PCDHGA8: variants seen among roughly 807,000 people sequenced by gnomAD.
The protein encoded by PCDHGA8 is protocadherin gamma-A8.
A neutral mutation model predicts 59.2 loss-of-function variants in PCDHGA8; 45 were observed. That is an observed-to-expected ratio of 0.76 (90% CI 0.60 to 0.98). The LOEUF (loss-of-function observed/expected upper bound fraction) is 0.98. Ranked by LOEUF, PCDHGA8 falls within the 50% of genes least tolerant of loss-of-function variation. PCDHGA8 has a pLI of 0.00. For synonymous variants in PCDHGA8, 531 were observed against 519.0 expected, an observed-to-expected ratio of 1.02 and a Z score of -0.32; for missense variants, 1,257 against 1,196.2, an observed-to-expected ratio of 1.05 and a Z score of -0.75.
intron 1 of PCDHGA8, among the ~76,000 whole-genome samples, chr5:141,429,781 A>G (rs2097245343): frequency 1.3e-5 from 2 of 152,186 alleles, no homozygotes; most frequent in Non-Finnish European, 2.9e-5. Context: ...TGGGCTTCCA[A>G]AAGTATTACC....
intron 1 of PCDHGA8, among the ~76,000 whole-genome samples, chr5:141,433,378 T>C (rs1246585250): frequency 6.6e-5 from 10 of 151,072 alleles, no homozygotes. Context: ...TATCTATCTA[T>C]CTATCTATCT....
Position 141,464,284 on chromosome 5 carries a change from A to C in PCDHGA8, c.2425-30523A>C, listed in dbSNP as rs1237360752. ...CGTCTAAAAAAAAAAAAAAGCAAAA[A>C]AAAAAACTCCATTGTATGTGCACAT... On this transcript the variant is annotated intron_variant, in intron 1 of 3. Coordinates refer to ENST00000398604, the MANE Select transcript of PCDHGA8 (RefSeq NM_032088.2). 4.0e-5 allele frequency among the ~76,000 whole-genome samples: 6 copies of C among 151,546 alleles called. No individual in the cohort carries two copies. The South Asian group carries it at 1.0e-3, about 26-fold the overall frequency.
chr5:141,509,830 T>A (rs1328716142), intron 3 of PCDHGA8, among the ~76,000 whole-genome samples: 1 of 152,204 alleles, frequency 6.6e-6, no homozygotes, highest in African/African-American at 2.4e-5. Flanking sequence ...ATCTTCTCTC[T>A]ACCTCCCATT....
chr5:141,462,599 T>TGG (rs2099043404), intron 1 of PCDHGA8, among the ~76,000 whole-genome samples: 1 of 152,208 alleles, frequency 6.6e-6, no homozygotes, highest in African/African-American at 2.4e-5. Context: ...CCATTTCATA[T>TGG]ATTGTATTTT....
chr5:141,395,317 A>G, intron 1 of PCDHGA8, 80 bp downstream of exon 1: 1 of 1,488,840 alleles, frequency 6.7e-7, no homozygotes, highest in Non-Finnish European at 9.0e-7. Flanking sequence ...AACATTGTGA[A>G]GATAGTTGAA....
intron 1 of PCDHGA8, among the ~76,000 whole-genome samples, chr5:141,460,508 G>C (rs1390313220): frequency 6.6e-6 from 1 of 152,040 alleles, no homozygotes; most frequent in East Asian, 1.9e-4. Context: ...TGCTGAGAAG[G>C]CTATCTTTTC....
At chr5:141,418,147 C>T (rs781655205) in intron 1 of PCDHGA8, 3 of 1,614,040 alleles carry the variant, frequency 1.9e-6, no homozygotes, top group Admixed American at 3.3e-5. Flanking sequence ...AGCAAATATG[C>T]AAAGAGAGAA....
At chr5:141,435,010 G>A (rs2097736933) in intron 1 of PCDHGA8, among the ~76,000 whole-genome samples, 1 of 151,950 alleles carries the variant, frequency 6.6e-6, no homozygotes, top group Non-Finnish European at 1.5e-5. Flanking sequence ...ATTTATCAAT[G>A]ATAATGCTCT....
Position 141,486,059 on chromosome 5 carries a change from C to A in PCDHGA8, c.2425-8748C>A. On this transcript the variant is annotated intron_variant, in intron 1 of 3. Transcript: ENST00000398604. This position sits in a 1 kb window ranked among gnomAD's most constrained non-coding sequence, Gnocchi z 5.0. ...TCGTGTAAGAAACCTCTTTAGCCTG[C>A]ACCCCACTACTGGAAAGCTTACTCT... 1 of 1,614,152 alleles carries A rather than the reference C, an allele frequency of 6.2e-7. No homozygotes were observed. Among genetic ancestry groups the A allele is most frequent in the Non-Finnish European group, 8.5e-7 (1 of 1,180,010 alleles).
chr5:141,418,986 C>T, intron 1 of PCDHGA8: 1 of 1,613,930 alleles, frequency 6.2e-7, no homozygotes, highest in Non-Finnish European at 8.5e-7. Context: ...GACCAAGACT[C>T]AGGGGAAAAT....
intron 1 of PCDHGA8, chr5:141,415,752 T>TG: frequency 1.6e-5 from 22 of 1,372,540 alleles, no homozygotes; most frequent in Middle Eastern, 2.6e-4. Flanking sequence ...TTTTTTTTTT[T>TG]TTTTTTTTTT....
intron 1 of PCDHGA8, among the ~76,000 whole-genome samples, chr5:141,444,162 T>A: frequency 8.4e-6 from 1 of 119,238 alleles, no homozygotes. Flanking sequence ...ATTTTTTTTT[T>A]TTTTTTTTTT....
chr5:141,423,053 T>C lies in PCDHGA8; in HGVS notation c.2424+27816T>C, dbSNP rs200154593. 1.4e-4 allele frequency: 219 copies of C among 1,614,170 alleles called. 1 individual carries two copies. The African/African-American group carries it at 2.5e-3, about 18-fold the overall frequency. ...CAGAACGCCTGGCTGTCCTATCGCCTGCTTAAGGCCAGCGAGCCGGGACTC... is the reference window on the plus strand; with the variant it reads ...CAGAACGCCTGGCTGTCCTATCGCCCGCTTAAGGCCAGCGAGCCGGGACTC... On this transcript the variant is annotated intron_variant, in intron 1 of 3. Coordinates refer to ENST00000398604, the MANE Select transcript of PCDHGA8 (RefSeq NM_032088.2).
rs528779386 is a variant in PCDHGA8, at chr5:141,509,416, C to T, written c.2573-1531C>T. Among the ~76,000 whole-genome samples, 4 of 152,258 alleles carry T rather than the reference C, an allele frequency of 2.6e-5. No individual in the cohort carries two copies. In the East Asian group the frequency reaches 7.7e-4, roughly 29 times the overall value. ...TCTCAGGGCCTCCAGCAGCGAGCCCCAATGAGTCAAACTCTTGTTTCCTCC... is the reference window on the plus strand; with the variant it reads ...TCTCAGGGCCTCCAGCAGCGAGCCCTAATGAGTCAAACTCTTGTTTCCTCC... On this transcript the variant is annotated intron_variant, in intron 3 of 3. Transcript: ENST00000398604.
At position 141,485,301 on chromosome 5, in the gene PCDHGA8, C is replaced by T; in HGVS notation, c.2425-9506C>T. 1 of 1,614,124 alleles carries T rather than the reference C, an allele frequency of 6.2e-7. No homozygotes were observed. The highest frequency in any genetic ancestry group is 1.1e-5 in the South Asian group (1 of 91,082). The stretch of plus-strand genomic sequence containing the variant: ...GTCCCAGAGGAGTCACAGGAAGGGA[C>T]TTTTGTAGGGAATGTCGCTCAAGAT... On this transcript the variant is annotated intron_variant, in intron 1 of 3. Coordinates refer to ENST00000398604, the MANE Select transcript of PCDHGA8 (RefSeq NM_032088.2). This position sits in a 1 kb window ranked among gnomAD's most constrained non-coding sequence, Gnocchi z 5.7.
chr5:141,410,202 A>G (rs766392835), intron 1 of PCDHGA8: 2 of 1,614,018 alleles, frequency 1.2e-6, no homozygotes, highest in Non-Finnish European at 1.7e-6. Flanking sequence ...TTCGCAGACA[A>G]CTTGCAAGAG....
Position 141,432,147 on chromosome 5 carries a change from A to G in PCDHGA8, c.2424+36910A>G. 6.2e-7 allele frequency: 1 copy of G among 1,614,066 alleles called. No individual in the cohort carries two copies. The highest frequency in any genetic ancestry group is 8.5e-7 in the Non-Finnish European group (1 of 1,179,998). ...GCCTCCTATTCCGCTTATATCCCAG[A>G]GAACAATCCCAGAGGAGTTTCCCTC... On this transcript the variant is annotated intron_variant, in intron 1 of 3. Transcript: ENST00000398604. The surrounding 1 kb of genome is among the most constrained non-coding windows in gnomAD (Gnocchi z 6.0).
In PCDHGA8 at chr5:141,393,186, G is replaced by C; in HGVS notation, c.373G>C (p.Asp125His). Reference sequence around the variant, plus strand: ...CTTTGGGGTAGAAATAGAAATAATTGATATTAACGATAATAACCCAAAATT... The same window carrying C: ...CTTTGGGGTAGAAATAGAAATAATTCATATTAACGATAATAACCCAAAATT... ...KLFGVEIEII[D>H]INDNNPKFQV... Residue 125 changes from aspartate to histidine, a missense_variant, in exon 1 of 4, where the codon GAT (aspartate) becomes CAT (histidine). By Grantham distance (81) the Asp-to-His change is moderately conservative. Transcript: ENST00000398604. 2 of 1,613,306 alleles carry C rather than the reference G, an allele frequency of 1.2e-6. No homozygotes were observed. The highest frequency in any genetic ancestry group is 4.5e-5 in the East Asian group (2 of 44,886).
chr5:141,500,104 T>C (rs917633032), intron 2 of PCDHGA8, among the ~76,000 whole-genome samples: 1 of 152,124 alleles, frequency 6.6e-6, no homozygotes, highest in Non-Finnish European at 1.5e-5. Context: ...AATTTATTTG[T>C]TGAATCCCTG....
Sources: allele counts gnomAD v4.1 joint callset (sites outside exome capture counted in the v4.1 genomes callset), GRCh38; gene constraint gnomAD v4.1.1; non-coding constraint Gnocchi (gnomAD v3.1); transcripts MANE v1.5; gene names NCBI Gene and HGNC (gene_info 2026-07-23, HGNC 2026-07-21).